Variants in DPP10 observed in about 807,000 individuals in gnomAD.
The protein encoded by DPP10 is dipeptidyl peptidase like 10.
A neutral mutation model predicts 120.9 loss-of-function variants in DPP10; 33 were observed. That is an observed-to-expected ratio of 0.27 (90% CI 0.21 to 0.37). DPP10 has a LOEUF of 0.37. Among genes scored for constraint, DPP10 ranks in the 10% least tolerant of loss-of-function variants. DPP10 has a pLI of 1.00. For synonymous variants in DPP10, 337 were observed against 326.1 expected (o/e 1.03, Z -0.36); for missense variants, 816 against 942.8 (o/e 0.87, Z 1.76).
At chr2:114,949,660 T>C (rs1403623638) in intron 1 of DPP10, among the ~76,000 whole-genome samples, 1 of 152,122 alleles carries the variant, frequency 6.6e-6, no homozygotes. Context: ...AATGTTCACA[T>C]TTATTACCCC....
chr2:115,027,220 T>C (rs1398644125), intron 1 of DPP10, among the ~76,000 whole-genome samples: 1 of 152,196 alleles, frequency 6.6e-6, no homozygotes, highest in Non-Finnish European at 1.5e-5. Context: ...GTTTATTGAT[T>C]CCAATGACTA....
At chr2:115,128,631 T>C (rs753411956) in intron 1 of DPP10, among the ~76,000 whole-genome samples, 2 of 152,346 alleles carry the variant, frequency 1.3e-5, no homozygotes, top group Non-Finnish European at 1.5e-5. Flanking sequence ...AGAACATGTG[T>C]AGTCTCCTGC....
intron 1 of DPP10, among the ~76,000 whole-genome samples, chr2:114,896,465 G>T (rs968150023): frequency 6.6e-6 from 1 of 151,956 alleles, no homozygotes; most frequent in Admixed American, 6.6e-5. Context: ...CTTGTAAGTT[G>T]GATTCCTAGG....
intron 1 of DPP10, among the ~76,000 whole-genome samples, chr2:114,719,961 G>A (rs978016531): frequency 2.6e-5 from 4 of 152,220 alleles, no homozygotes; most frequent in East Asian, 3.8e-4. Flanking sequence ...TCTGTCAGGT[G>A]TGTTGACAGA....
intron 1 of DPP10, among the ~76,000 whole-genome samples, chr2:115,008,026 C>T (rs1319087824): frequency 1.3e-5 from 2 of 150,060 alleles, no homozygotes; most frequent in Admixed American, 6.6e-5. Context: ...AGATTCAATG[C>T]CATCCCCATC....
intron 1 of DPP10, chr2:115,297,230 TA>T: frequency 3.2e-6 from 1 of 317,202 alleles, no homozygotes; most frequent in South Asian, 2.5e-5. Context: ...CTGCATGGCA[TA>T]AGCTGGGCAC....
intron 1 of DPP10, among the ~76,000 whole-genome samples, chr2:114,731,796 TGC>T (rs1410023064): frequency 6.6e-6 from 1 of 152,092 alleles, no homozygotes; most frequent in African/African-American, 2.4e-5. Context: ...GGGGACACCA[TGC>T]GCAGCCAACA....
At chr2:115,788,593 A>G (rs1468624694) in intron 17 of DPP10, among the ~76,000 whole-genome samples, 1 of 152,244 alleles carries the variant, frequency 6.6e-6, no homozygotes, top group Non-Finnish European at 1.5e-5. Flanking sequence ...GAATGACAAT[A>G]GTGGAACATT....
chr2:115,309,453 C>A (rs1184264532), intron 2 of DPP10, 100 bp downstream of exon 2: 33 of 1,113,606 alleles, frequency 3.0e-5, no homozygotes, highest in Non-Finnish European at 4.3e-5. Flanking sequence ...TATCTTAGGG[C>A]ACATTAGCAT....
chr2:115,405,935 T>A (rs892596049), intron 3 of DPP10, among the ~76,000 whole-genome samples: 2 of 152,212 alleles, frequency 1.3e-5, no homozygotes, highest in African/African-American at 4.8e-5. Context: ...GGGGTCTTTT[T>A]CCCACTGTCC....
chr2:114,769,527 G>T (rs1287411880), intron 1 of DPP10, among the ~76,000 whole-genome samples: 1 of 152,178 alleles, frequency 6.6e-6, no homozygotes, highest in Admixed American at 6.5e-5. Context: ...GAGGAAGCAA[G>T]GTGATGAGAA....
intron 1 of DPP10, among the ~76,000 whole-genome samples, chr2:115,273,726 T>C (rs1242571237): frequency 6.6e-6 from 1 of 152,226 alleles, no homozygotes; most frequent in Non-Finnish European, 1.5e-5. Context: ...AATATGTTAC[T>C]AGAAATTTGC....
rs905432817 is a variant in DPP10 at position 115,442,074 on chromosome 2, A to G, written c.272-57436A>G. Among the ~76,000 whole-genome samples, 5 of 151,746 alleles carry G rather than the reference A, an allele frequency of 3.3e-5. No homozygotes were observed. In the East Asian group the frequency reaches 9.7e-4, roughly 29 times the overall value. Reference sequence around the variant, plus strand: ...TGATCTGCCCGCCTCGGCCTCCCAAAGTTCTGGGATTACAGACATGAGCCA... The same window carrying G: ...TGATCTGCCCGCCTCGGCCTCCCAAGGTTCTGGGATTACAGACATGAGCCA... On this transcript the variant is annotated intron_variant, in intron 3 of 25. Coordinates refer to ENST00000410059, the MANE Select transcript of DPP10 (RefSeq NM_020868.6).
At chr2:115,025,766 T>C (rs151179921) in intron 1 of DPP10, among the ~76,000 whole-genome samples, 1 of 152,196 alleles carries the variant, frequency 6.6e-6, no homozygotes, top group African/African-American at 2.4e-5. Flanking sequence ...ATGTTGAGCT[T>C]TTTTTTATAT....
At chr2:114,824,479 A>G (rs1016816844) in intron 1 of DPP10, among the ~76,000 whole-genome samples, 8 of 152,214 alleles carry the variant, frequency 5.3e-5, no homozygotes, top group African/African-American at 1.9e-4. Context: ...GCAAAGAAAT[A>G]AATACATGAC....
chr2:115,266,419 T>C (rs2059464692), intron 1 of DPP10, among the ~76,000 whole-genome samples: 1 of 151,512 alleles, frequency 6.6e-6, no homozygotes, highest in African/African-American at 2.4e-5. Context: ...AATTCTACCA[T>C]GTGTTTTCTG....
chr2:115,332,777 G>A (rs2062835664), intron 2 of DPP10, among the ~76,000 whole-genome samples: 1 of 152,172 alleles, frequency 6.6e-6, no homozygotes, highest in Non-Finnish European at 1.5e-5. Flanking sequence ...TGATTGCGCT[G>A]TGGTCTGAGA....
chr2:115,730,972 C>A (rs2149654206), intron 8 of DPP10, among the ~76,000 whole-genome samples: 3 of 152,238 alleles, frequency 2.0e-5, no homozygotes, highest in African/African-American at 7.2e-5. Context: ...TGCCAGCAAT[C>A]CTAGCACTTT....
chr2:115,543,537 C>G (rs953963161), intron 5 of DPP10, among the ~76,000 whole-genome samples: 1 of 151,886 alleles, frequency 6.6e-6, no homozygotes, highest in African/African-American at 2.4e-5. Flanking sequence ...TATTTGATTT[C>G]TTTAATTCTG....
Sources: gnomAD v4.1 joint callset for allele counts (sites outside exome capture counted in the v4.1 genomes callset) on GRCh38, gnomAD v4.1.1 for gene constraint, MANE v1.5 for transcripts, NCBI Gene and HGNC (gene_info 2026-07-23, HGNC 2026-07-21) for gene names.